The following ACER2 variants were observed in gnomAD, a reference collection of about 807,000 sequenced individuals.
ACER2 encodes alkaline ceramidase 2.
A neutral mutation model predicts 34.7 loss-of-function variants in ACER2; 26 were observed. The ratio of observed to expected loss-of-function variants is 0.75; its 90% CI spans 0.55 to 1.04. The LOEUF (loss-of-function observed/expected upper bound fraction) is 1.04, where lower values mean the gene tolerates loss of function less well. ACER2 is among the 50% of genes least tolerant of loss of function. The pLI, the probability that ACER2 is intolerant of heterozygous loss-of-function variation, is 0.00. For missense variants in ACER2, 352 were observed against 340.8 expected (o/e 1.03, Z -0.26); for synonymous variants, 138 against 132.1 (o/e 1.04, Z -0.31).
At chr9:19,432,677 A>G (rs1439471517) in intron 3 of ACER2, among the ~76,000 whole-genome samples, 1 of 148,164 alleles carries the variant, frequency 6.7e-6, no homozygotes, top group Admixed American at 6.8e-5. Context: ...TAGTTATGCT[A>G]TATATAGATA....
chr9:19,435,278 A>C (rs1383543951), intron 4 of ACER2, among the ~76,000 whole-genome samples, 194 bp downstream of exon 4: 1 of 152,214 alleles, frequency 6.6e-6, no homozygotes, highest in African/African-American at 2.4e-5. Context: ...GGAGGGGAGC[A>C]GCTGTTGAGC....
At chr9:19,424,920 G>A in intron 3 of ACER2, 79 bp downstream of exon 3, 1 of 1,547,834 alleles carries the variant, frequency 6.5e-7, no homozygotes, top group South Asian at 1.2e-5. Flanking sequence ...AAGAAAAATA[G>A]CACATGATTG....
At chr9:19,422,934 A>C (rs1830447697) in intron 1 of ACER2, among the ~76,000 whole-genome samples, 1 of 151,608 alleles carries the variant, frequency 6.6e-6, no homozygotes, top group Admixed American at 6.6e-5. Context: ...CGGGAGGCTG[A>C]GGCAGGAGAA....
intron 5 of ACER2, 110 bp from the exon 6 acceptor site, chr9:19,450,340 A>C: frequency 7.2e-7 from 1 of 1,383,666 alleles, no homozygotes; most frequent in Non-Finnish European, 9.4e-7. Flanking sequence ...CCTGGGCTGC[A>C]ACTACAGTCA....
chr9:19,446,414 A>T lies in ACER2; in HGVS notation c.637A>T (p.Met213Leu). 1 of 1,614,110 alleles carries T rather than the reference A, an allele frequency of 6.2e-7. No individual in the cohort carries two copies. The highest frequency in any genetic ancestry group is 8.5e-7 in the Non-Finnish European group (1 of 1,180,016). ...SSFNFPYLHC[M>L]WHILICLAAY... ...CTTCAACTTCCCCTACCTGCACTGC[A>T]TGTGGTAAGCCCCTGCTAATGGGGA... The change falls in exon 5 of 6, where the codon ATG (methionine) becomes TTG (leucine). Residue 213 changes from methionine to leucine, a missense_variant. Transcript: ENST00000340967.
chr9:19,424,928 T>C (rs148783171), intron 3 of ACER2, 87 bp downstream of exon 3: 14 of 1,523,034 alleles, frequency 9.2e-6, no homozygotes, highest in African/African-American at 1.4e-5. Flanking sequence ...TAGCACATGA[T>C]TGAACTCAGC....
At chr9:19,409,323 C>T (rs893364809) in intron 1 of ACER2, 131 bp downstream of exon 1, 10 of 795,040 alleles carry the variant, frequency 1.3e-5, no homozygotes, top group Admixed American at 2.6e-5. Context: ...CTGAGTCAGT[C>T]CACACCCCCT....
intron 3 of ACER2, among the ~76,000 whole-genome samples, chr9:19,428,043 C>T (rs1197793756): frequency 1.6e-5 from 2 of 128,378 alleles, no homozygotes; most frequent in Non-Finnish European, 3.4e-5. Flanking sequence ...CTTTCCTTTC[C>T]TTTCCTTTCC....
chr9:19,416,418 C>T (rs1409096700), intron 1 of ACER2, among the ~76,000 whole-genome samples: 7 of 152,178 alleles, frequency 4.6e-5, no homozygotes, highest in East Asian at 3.8e-4. Context: ...TGGAAGGAGC[C>T]GGGCTCTGTG....
At position 19,427,446 on chromosome 9, in the gene ACER2, T is replaced by C. The variant is rs370598743; in HGVS notation, c.365+2605T>C. On this transcript the variant is annotated intron_variant, in intron 3 of 5. Transcript: ENST00000340967. ...GGGCAAGAAGGCCAAGCCCCTTTGC[T>C]TGTACTTCACTCCCCATGACACGGG... 1.6e-3 allele frequency among the ~76,000 whole-genome samples: 241 copies of C among 152,312 alleles called. 1 individual carries two copies. Among genetic ancestry groups the C allele is most frequent in the Middle Eastern group, 6.8e-3 (2 of 294 alleles).
chr9:19,435,025 C>T lies in ACER2; in HGVS notation c.444C>T (p.Asn148=). 6.2e-7 allele frequency: 1 copy of T among 1,614,180 alleles called. No individual in the cohort carries two copies. The highest frequency in any genetic ancestry group is 2.2e-5 in the East Asian group (1 of 44,886). Residue 148 remains asparagine, a synonymous_variant, in exon 4 of 6, where the codon AAC becomes AAT. Coordinates refer to ENST00000340967, the MANE Select transcript of ACER2 (RefSeq NM_001010887.3). ...CATTTGTCAAGCCTGCCATCAACAACATCTCTCTGATGACCCTGGGAGTTC... is the reference window on the plus strand; with the variant it reads ...CATTTGTCAAGCCTGCCATCAACAATATCTCTCTGATGACCCTGGGAGTTC... ...CLAFVKPAIN[N]ISLMTLGVPC...
At chr9:19,432,401 G>T (rs1346917334) in intron 3 of ACER2, among the ~76,000 whole-genome samples, 1 of 151,978 alleles carries the variant, frequency 6.6e-6, no homozygotes, top group African/African-American at 2.4e-5. Context: ...GTAGAACGGG[G>T]GGTGACAAAC....
At chr9:19,424,307 G>A (rs1423311978) in intron 2 of ACER2, 20 of 932,542 alleles carry the variant, frequency 2.1e-5, no homozygotes, top group Non-Finnish European at 2.4e-5. Context: ...AGAAAAAAAT[G>A]TAGATGTTTG....
At chr9:19,439,394 G>A (rs1831072877) in intron 4 of ACER2, among the ~76,000 whole-genome samples, 1 of 147,180 alleles carries the variant, frequency 6.8e-6, no homozygotes, top group South Asian at 2.2e-4. Context: ...AGGCTGGAGT[G>A]CAGTGGCAAG....
intron 4 of ACER2, among the ~76,000 whole-genome samples, chr9:19,441,485 CCTT>C (rs1276457860): frequency 2.0e-5 from 3 of 152,172 alleles, no homozygotes; most frequent in Non-Finnish European, 4.4e-5. Flanking sequence ...GCCACTCTGA[CCTT>C]CTGTTTCTTC....
At position 19,423,951 on chromosome 9, in the gene ACER2, A is replaced by T; in HGVS notation, c.198A>T (p.Leu66Phe). ...YATCFNSGIY[L>F]IWTLLVVVGI... Reference sequence around the variant, plus strand: ...CATGCTTCAACAGTGGCATCTACTTAATCTGGACTCTTTTGGTTGTAGTGG... The same window carrying T: ...CATGCTTCAACAGTGGCATCTACTTTATCTGGACTCTTTTGGTTGTAGTGG... The change falls in exon 2 of 6, where the codon TTA becomes TTT. Residue 66 changes from leucine to phenylalanine, a missense_variant. Coordinates refer to ENST00000340967, the MANE Select transcript of ACER2 (RefSeq NM_001010887.3). 6.2e-7 allele frequency: 1 copy of T among 1,613,886 alleles called. No homozygotes were observed. Among genetic ancestry groups the T allele is most frequent in the Non-Finnish European group, 8.5e-7 (1 of 1,179,816 alleles).
At chr9:19,440,065 A>T (rs1831101826) in intron 4 of ACER2, among the ~76,000 whole-genome samples, 1 of 151,426 alleles carries the variant, frequency 6.6e-6, no homozygotes, top group Admixed American at 6.6e-5. Context: ...TTTGTTACCC[A>T]AATCCCTCTC....
At chr9:19,411,528 G>A (rs1223375705) in intron 1 of ACER2, among the ~76,000 whole-genome samples, 1 of 152,092 alleles carries the variant, frequency 6.6e-6, no homozygotes, top group Non-Finnish European at 1.5e-5. Flanking sequence ...GAGTCACCAT[G>A]CCCGGCCTTC....
chr9:19,429,748 G>A (rs984197087), intron 3 of ACER2, among the ~76,000 whole-genome samples: 5 of 152,102 alleles, frequency 3.3e-5, no homozygotes, highest in Non-Finnish European at 7.4e-5. Context: ...GGATCTGCCC[G>A]CCCTGCTAGC....
Sources: gnomAD v4.1 joint callset for allele counts (sites outside exome capture counted in the v4.1 genomes callset) on GRCh38, gnomAD v4.1.1 for gene constraint, MANE v1.5 for transcripts, NCBI Gene and HGNC (gene_info 2026-07-23, HGNC 2026-07-21) for gene names.